PCDH15: variants seen among roughly 807,000 people sequenced by gnomAD.
PCDH15 encodes protocadherin-15.
Under a neutral mutation model 178.5 loss-of-function variants are expected in PCDH15, and 129 were observed. That is an observed-to-expected ratio of 0.72 (90% confidence interval 0.63 to 0.84). The LOEUF is 0.84. Among genes scored for constraint, PCDH15 ranks in the 40% least tolerant of loss-of-function variants. The pLI is 0.00. For missense variants in PCDH15, 2,230 were observed against 2,099.9 expected (o/e 1.06, Z -1.21); for synonymous variants, 800 against 732.0 (o/e 1.09, Z -1.50).
At chr10:55,546,214 T>C (rs1015181148) in intron 2 of PCDH15, among the ~76,000 whole-genome samples, 6 of 152,168 alleles carry the variant, frequency 3.9e-5, no homozygotes, top group Admixed American at 3.3e-4. Context: ...ACATGTACAA[T>C]TGATCTTAAC....
intron 6 of PCDH15, among the ~76,000 whole-genome samples, chr10:54,335,266 T>C (rs1162147738): frequency 1.3e-5 from 2 of 152,220 alleles, no homozygotes; most frequent in African/African-American, 4.8e-5. Flanking sequence ...AACATGTCCC[T>C]GGCTGACAGA....
intron 2 of PCDH15, among the ~76,000 whole-genome samples, chr10:54,596,279 A>G (rs948577225): frequency 6.6e-6 from 1 of 152,198 alleles, no homozygotes; most frequent in African/African-American, 2.4e-5. Context: ...TACAAATCCT[A>G]CAAGTCAGAA....
intron 2 of PCDH15, among the ~76,000 whole-genome samples, chr10:55,125,151 A>AT (rs111253981): frequency 5.5e-5 from 6 of 109,064 alleles, no homozygotes; most frequent in African/African-American, 1.1e-4. Flanking sequence ...TACTTTTTGA[A>AT]TTTTTTTTTA....
chr10:54,800,116 C>T (rs572806681), intron 1 of PCDH15, among the ~76,000 whole-genome samples: 24 of 152,270 alleles, frequency 1.6e-4, no homozygotes, highest in African/African-American at 4.3e-4. Context: ...TTTCTGCATA[C>T]GTGCTACAAG....
chr10:53,948,696 G>A (rs1239222361), intron 23 of PCDH15, among the ~76,000 whole-genome samples: 1 of 152,138 alleles, frequency 6.6e-6, no homozygotes, highest in East Asian at 1.9e-4. Context: ...GAAGCACAAA[G>A]TGACTTCCAT....
chr10:54,147,323 G>A (rs2044085939), intron 14 of PCDH15, among the ~76,000 whole-genome samples: 1 of 151,726 alleles, frequency 6.6e-6, no homozygotes, highest in African/African-American at 2.4e-5. Context: ...TAAATGTGAA[G>A]CTAGGTCAAC....
chr10:53,952,324 T>C (rs1288136223), intron 23 of PCDH15, among the ~76,000 whole-genome samples: 1 of 152,186 alleles, frequency 6.6e-6, no homozygotes, highest in East Asian at 1.9e-4. Context: ...TGAGCAACAG[T>C]ACATCTCTCA....
intron 8 of PCDH15, among the ~76,000 whole-genome samples, chr10:54,258,008 C>T (rs570389043): frequency 5.3e-5 from 8 of 151,866 alleles, no homozygotes; most frequent in East Asian, 3.9e-4. Context: ...AAGGGCTTAA[C>T]GATTAAAAAA....
intron 1 of PCDH15, among the ~76,000 whole-genome samples, chr10:54,755,809 T>C (rs1316859865): frequency 1.3e-5 from 2 of 152,076 alleles, no homozygotes; most frequent in South Asian, 4.1e-4. Flanking sequence ...ATGCAGCACT[T>C]TTTTCATTGG....
chr10:55,531,009 TTTTGTTTG>T (rs111833955), intron 2 of PCDH15, among the ~76,000 whole-genome samples: 3 of 144,358 alleles, frequency 2.1e-5, no homozygotes, highest in Non-Finnish European at 4.6e-5. Context: ...TTAGGGTTGC[TTTTGTTTG>T]TTTGTTTGTT....
chr10:55,310,859 C>T (rs1027364715), intron 1 of PCDH15, among the ~76,000 whole-genome samples: 1 of 152,132 alleles, frequency 6.6e-6, no homozygotes, highest in Non-Finnish European at 1.5e-5. Context: ...GAATATCATA[C>T]ACTGAGGACT....
intron 2 of PCDH15, among the ~76,000 whole-genome samples, chr10:54,584,111 G>A (rs947284275): frequency 3.3e-5 from 5 of 152,130 alleles, no homozygotes; most frequent in Non-Finnish European, 7.4e-5. Flanking sequence ...TTAAGGTCAA[G>A]TGTAGATGCT....
intron 2 of PCDH15, among the ~76,000 whole-genome samples, chr10:54,622,683 ATTATAT>A (rs2093414310): frequency 1.1e-5 from 1 of 94,874 alleles, no homozygotes; most frequent in African/African-American, 4.6e-5. Flanking sequence ...TATAATATAT[ATTATAT>A]AATATATATT....
chr10:54,416,707 T>C (rs996587893), intron 3 of PCDH15, among the ~76,000 whole-genome samples: 3 of 152,222 alleles, frequency 2.0e-5, no homozygotes, highest in Non-Finnish European at 4.4e-5. Context: ...CCATACTGTC[T>C]TCCACAATGG....
intron 1 of PCDH15, among the ~76,000 whole-genome samples, chr10:54,726,988 G>A (rs1308931858): frequency 1.4e-5 from 2 of 147,780 alleles, no homozygotes; most frequent in Admixed American, 6.8e-5. Flanking sequence ...AAATATTTTT[G>A]TGGGTATTAA....
At chr10:55,024,138 T>TAGGAAGGAATATATATAGAGAG (rs1314930597) in intron 2 of PCDH15, among the ~76,000 whole-genome samples, 1 of 144,580 alleles carries the variant, frequency 6.9e-6, no homozygotes, top group Non-Finnish European at 1.5e-5. Flanking sequence ...TATATATATA[T>TAGGAAGGAATATATATAGAGAG]AGGAAGGAAT....
At chr10:54,538,843 C>T (rs2084873672) in intron 2 of PCDH15, among the ~76,000 whole-genome samples, 1 of 152,120 alleles carries the variant, frequency 6.6e-6, no homozygotes, top group African/African-American at 2.4e-5. Context: ...TATAAATTAC[C>T]CAGTCTCAGG....
intron 5 of PCDH15, among the ~76,000 whole-genome samples, chr10:54,352,042 A>C (rs1352894359): frequency 6.6e-6 from 1 of 152,358 alleles, no homozygotes; most frequent in South Asian, 2.1e-4. Flanking sequence ...TTTGGTGATT[A>C]GAAAATTCCA....
At chr10:54,638,789 T>C (rs1281785396) in intron 2 of PCDH15, among the ~76,000 whole-genome samples, 2 of 152,114 alleles carry the variant, frequency 1.3e-5, no homozygotes, top group East Asian at 3.8e-4. Flanking sequence ...TCAATCTAAG[T>C]GTCCACCAAC....
Sources: allele counts gnomAD v4.1 joint callset (sites outside exome capture counted in the v4.1 genomes callset), GRCh38; gene constraint gnomAD v4.1.1; transcripts MANE v1.5; gene names NCBI Gene and HGNC (gene_info 2026-07-23, HGNC 2026-07-21).